Variants in EEIG1 observed in about 807,000 individuals in gnomAD.
The protein encoded by EEIG1 is early estrogen-induced gene 1 protein.
the EEIG1 span, among the ~76,000 whole-genome samples, chr9:127,951,160 A>G: frequency 6.6e-6 from 1 of 152,232 alleles, no homozygotes; most frequent in Non-Finnish European, 1.5e-5. Context: ...GGCCCTGTGG[A>G]TGGAGGCCAA....
At chr9:127,952,616 C>T in the EEIG1 span, among the ~76,000 whole-genome samples, 3 of 152,186 alleles carry the variant, frequency 2.0e-5, no homozygotes, top group African/African-American at 4.8e-5. Context: ...AGCCATGCCA[C>T]GGGACACTGC....
At chr9:127,975,106 CA>C in the EEIG1 span, among the ~76,000 whole-genome samples, 4 of 152,196 alleles carry the variant, frequency 2.6e-5, no homozygotes, top group Admixed American at 6.5e-5. Context: ...GGTGAGGGAC[CA>C]GGGGGGTGGA....
the EEIG1 span, among the ~76,000 whole-genome samples, chr9:127,969,158 G>C: frequency 6.6e-6 from 1 of 152,216 alleles, no homozygotes; most frequent in African/African-American, 2.4e-5. Context: ...CGTCGGCAAA[G>C]ACAGGGTTCA....
chr9:127,958,709 C>T, the EEIG1 span, among the ~76,000 whole-genome samples: 1 of 151,782 alleles, frequency 6.6e-6, no homozygotes, highest in Non-Finnish European at 1.5e-5. Context: ...AAACCTTTTG[C>T]ACTCCAAAGG....
the EEIG1 span, chr9:127,980,106 T>G: frequency 6.2e-7 from 1 of 1,613,458 alleles, no homozygotes; most frequent in East Asian, 2.2e-5. Flanking sequence ...AGTTTGGAAT[T>G]TGAATTTCTT....
chr9:127,954,956 G>A, the EEIG1 span, among the ~76,000 whole-genome samples: 2 of 152,196 alleles, frequency 1.3e-5, no homozygotes, highest in Non-Finnish European at 2.9e-5. Context: ...CAACTGCTGC[G>A]GGGGCCTTGG....
chr9:127,949,050 T>A, the EEIG1 span, among the ~76,000 whole-genome samples: 1 of 151,892 alleles, frequency 6.6e-6, no homozygotes. Context: ...GTGCCGTGGC[T>A]CACGCCTGTA....
the EEIG1 span, among the ~76,000 whole-genome samples, chr9:127,961,009 C>T: frequency 6.6e-6 from 1 of 152,148 alleles, no homozygotes; most frequent in Non-Finnish European, 1.5e-5. Context: ...CAGCGGCCAC[C>T]TCCTGAGGGC....
At chr9:127,967,833 G>A in the EEIG1 span, among the ~76,000 whole-genome samples, 43 of 152,294 alleles carry the variant, frequency 2.8e-4, no homozygotes, top group East Asian at 6.2e-3. Context: ...CTGAATGGGG[G>A]CAGGGACTAG....
At chr9:127,950,189 C>G in the EEIG1 span, among the ~76,000 whole-genome samples, 1 of 152,264 alleles carries the variant, frequency 6.6e-6, no homozygotes, top group African/African-American at 2.4e-5. Flanking sequence ...TTGCCAAACC[C>G]TGGAGACTGT....
At chr9:127,945,731 C>A in the EEIG1 span, 2 of 1,575,694 alleles carry the variant, frequency 1.3e-6, no homozygotes, top group African/African-American at 2.7e-5. This position sits in a 1 kb window ranked among gnomAD's most constrained non-coding sequence, Gnocchi z 6.5. Context: ...TGGACAGGTT[C>A]TGGTCGGGTT....
the EEIG1 span, chr9:127,953,269 A>G: frequency 3.2e-5 from 13 of 409,362 alleles, no homozygotes; most frequent in African/African-American, 2.5e-4. Flanking sequence ...TTCTTCTTAC[A>G]AGGTCTGGAA....
chr9:127,979,531 A>G, the EEIG1 span, among the ~76,000 whole-genome samples: 1 of 152,120 alleles, frequency 6.6e-6, no homozygotes, highest in South Asian at 2.1e-4. Flanking sequence ...AAATCCAGCC[A>G]CCTCCCTCCA....
At chr9:127,968,954 G>A in the EEIG1 span, among the ~76,000 whole-genome samples, 2 of 152,118 alleles carry the variant, frequency 1.3e-5, no homozygotes, top group African/African-American at 4.8e-5. Flanking sequence ...TGTCATTCAC[G>A]GACTCCACAC....
At chr9:127,946,661 G>A in the EEIG1 span, among the ~76,000 whole-genome samples, 6 of 152,228 alleles carry the variant, frequency 3.9e-5, no homozygotes, top group African/African-American at 1.4e-4. Flanking sequence ...CTCTTCTGGG[G>A]AACCCCATCC....
At chr9:127,972,218 GC>G in the EEIG1 span, among the ~76,000 whole-genome samples, 1 of 152,106 alleles carries the variant, frequency 6.6e-6, no homozygotes. This position sits in a 1 kb window ranked among gnomAD's most constrained non-coding sequence, Gnocchi z 4.3. Context: ...TCCCTGTGGG[GC>G]AAGTTCAAGC....
At chr9:127,979,977 C>A in the EEIG1 span, 3 of 1,602,938 alleles carry the variant, frequency 1.9e-6, no homozygotes, top group African/African-American at 2.7e-5. Flanking sequence ...CAGGCGCGAC[C>A]GCCCCAGCTC....
At chr9:127,957,072 G>A in the EEIG1 span, among the ~76,000 whole-genome samples, 1 of 152,040 alleles carries the variant, frequency 6.6e-6, no homozygotes, top group Non-Finnish European at 1.5e-5. Context: ...TTGGGAGGCC[G>A]AGGCGGGCAT....
the EEIG1 span, among the ~76,000 whole-genome samples, chr9:127,965,529 A>G: frequency 3.9e-5 from 6 of 152,132 alleles, no homozygotes; most frequent in African/African-American, 1.4e-4. Context: ...ACAGGGCCCC[A>G]TCACTTAAGT....
Sources: allele counts gnomAD v4.1 joint callset (sites outside exome capture counted in the v4.1 genomes callset), GRCh38; gene constraint gnomAD v4.1.1; non-coding constraint Gnocchi (gnomAD v3.1); transcripts MANE v1.5; gene names NCBI Gene and HGNC (gene_info 2026-07-23, HGNC 2026-07-21).